The following PCTP variants were observed in gnomAD, a reference collection of about 807,000 sequenced individuals.
PCTP encodes the protein START domain-containing protein 2.
A neutral mutation model predicts 31.0 loss-of-function variants in PCTP; 27 were observed. The observed-to-expected ratio is 0.87, with a 90% confidence interval of 0.64 to 1.20. PCTP has a LOEUF of 1.20. Among genes scored for constraint, PCTP ranks in the 50% most tolerant of loss-of-function variants. The probability of loss-of-function intolerance (pLI) is 0.00; values close to 1 mark genes in which losing one functional copy is unlikely to be tolerated. For missense variants in PCTP, 287 were observed against 268.2 expected, an observed-to-expected ratio of 1.07 and a Z score of -0.49; for synonymous variants, 108 against 101.2, an observed-to-expected ratio of 1.07 and a Z score of -0.40.
chr17:55,771,227 G>A (rs747507630), intron 3 of PCTP, 42 bp downstream of exon 3: 3 of 1,477,098 alleles, frequency 2.0e-6, no homozygotes, highest in African/African-American at 2.8e-5. Context: ...CCCTCTAAGT[G>A]TTTCTGTGTT....
chr17:55,842,282 C>T (rs2145095531), intron 5 of PCTP, among the ~76,000 whole-genome samples: 1 of 152,300 alleles, frequency 6.6e-6, no homozygotes. Context: ...AGTGAAGGTA[C>T]ACTTGAATAA....
chr17:55,834,894 C>G (rs1905726945), intron 5 of PCTP, among the ~76,000 whole-genome samples: 1 of 152,088 alleles, frequency 6.6e-6, no homozygotes, highest in Non-Finnish European at 1.5e-5. Context: ...TGAAGTCCAG[C>G]CCCAGGTACC....
intron 3 of PCTP, among the ~76,000 whole-genome samples, chr17:55,788,138 T>C (rs759578055): frequency 2.5e-4 from 38 of 152,346 alleles, no homozygotes; most frequent in Admixed American, 5.9e-4. Flanking sequence ...AGCAACAGGT[T>C]CCTTATTCTG....
intron 5 of PCTP, among the ~76,000 whole-genome samples, chr17:55,835,771 G>A (rs879575963): frequency 3.9e-5 from 6 of 152,164 alleles, no homozygotes; most frequent in Non-Finnish European, 8.8e-5. Context: ...CCAGGCTGAG[G>A]TCTGACCAGC....
At chr17:55,751,301 C>G (rs1232216493) in intron 1 of PCTP, 57 bp downstream of exon 1, 12 of 1,517,964 alleles carry the variant, frequency 7.9e-6, no homozygotes, top group Non-Finnish European at 9.7e-6. Flanking sequence ...GGTCGACCTC[C>G]CCGCAGGGAG....
exon 4 of PCTP, chr17:55,822,860 G>A: frequency 8.3e-7 from 1 of 1,211,194 alleles, no homozygotes; most frequent in African/African-American, 1.6e-5. Flanking sequence ...GAAGGAAGAG[G>A]AAGGACATAA....
chr17:55,771,312 G>A (rs1910995884), intron 3 of PCTP, 127 bp downstream of exon 3: 9 of 737,132 alleles, frequency 1.2e-5, no homozygotes, highest in Non-Finnish European at 2.1e-5. Context: ...TCTGATTCTT[G>A]CAGCAGCATT....
intron 3 of PCTP, among the ~76,000 whole-genome samples, chr17:55,788,914 T>C (rs1197318328): frequency 6.6e-6 from 1 of 152,160 alleles, no homozygotes. Context: ...CACCTTTTTC[T>C]CCCAGGGTTC....
downstream of PCTP, among the ~76,000 whole-genome samples, chr17:55,843,904 G>A (rs1049685214): frequency 6.6e-6 from 1 of 152,090 alleles, no homozygotes; most frequent in Non-Finnish European, 1.5e-5. Context: ...GAACTTTCTG[G>A]CAATCATTAC....
chr17:55,776,181 G>A lies in PCTP; in HGVS notation c.*81G>A. 2 of 1,570,980 alleles carry A rather than the reference G, an allele frequency of 1.3e-6. No individual in the cohort carries two copies. The highest frequency in any genetic ancestry group is 1.7e-6 in the Non-Finnish European group (2 of 1,158,750). On this transcript the variant is annotated 3_prime_UTR_variant, in exon 6 of 6. Transcript: ENST00000268896. ...CCCAATGTCTCTGGAAGTGCCACCT[G>A]GAAGTGCCACCTGGAAGTGTCTCTG...
chr17:55,849,483 G>A, the PCTP span, among the ~76,000 whole-genome samples: 1 of 151,996 alleles, frequency 6.6e-6, no homozygotes, highest in African/African-American at 2.4e-5. Context: ...AATGGCTGGG[G>A]GTGGTGGCGG....
chr17:55,831,666 C>G (rs1905599394), intron 5 of PCTP, among the ~76,000 whole-genome samples: 2 of 152,322 alleles, frequency 1.3e-5, no homozygotes. Flanking sequence ...CACTCAATAT[C>G]TGTTCCAACG....
At chr17:55,804,761 T>C (rs1280297461) in intron 3 of PCTP, among the ~76,000 whole-genome samples, 1 of 152,150 alleles carries the variant, frequency 6.6e-6, no homozygotes, top group East Asian at 1.9e-4. Flanking sequence ...ATAGTTAATG[T>C]AGATGACGGG....
chr17:55,801,062 AC>A (rs1357166412), intron 3 of PCTP, among the ~76,000 whole-genome samples: 22 of 151,862 alleles, frequency 1.4e-4, no homozygotes, highest in Non-Finnish European at 2.6e-4. Flanking sequence ...GTGTCTGTTG[AC>A]CCCTGCTGGG....
At chr17:55,820,439 G>T (rs941715538) in intron 3 of PCTP, among the ~76,000 whole-genome samples, 10 of 152,290 alleles carry the variant, frequency 6.6e-5, no homozygotes, top group African/African-American at 1.9e-4. Flanking sequence ...ATAGTGCCTT[G>T]TTATTAGGTC....
At chr17:55,808,950 T>C (rs1912662800) in intron 3 of PCTP, among the ~76,000 whole-genome samples, 1 of 152,196 alleles carries the variant, frequency 6.6e-6, no homozygotes, top group South Asian at 2.1e-4. Flanking sequence ...CTAAAGTATT[T>C]CTCCTCAATA....
intron 3 of PCTP, among the ~76,000 whole-genome samples, chr17:55,814,752 A>G (rs1341803599): frequency 6.6e-6 from 1 of 152,214 alleles, no homozygotes. Flanking sequence ...TGGGGCTCAC[A>G]GGGGCAAGAC....
downstream of PCTP, among the ~76,000 whole-genome samples, chr17:55,825,602 C>CA: frequency 6.6e-6 from 1 of 152,224 alleles, no homozygotes; most frequent in East Asian, 1.9e-4. Context: ...AAAGGTCCCA[C>CA]AACTGTGAGA....
chr17:55,766,783 G>A (rs1170029082), intron 1 of PCTP, among the ~76,000 whole-genome samples: 1 of 151,980 alleles, frequency 6.6e-6, no homozygotes, highest in African/African-American at 2.4e-5. Context: ...ACCCAGTAAT[G>A]GGATGGCTGG....
Sources: allele counts gnomAD v4.1 joint callset (sites outside exome capture counted in the v4.1 genomes callset), GRCh38; gene constraint gnomAD v4.1.1; transcripts MANE v1.5; gene names NCBI Gene and HGNC (gene_info 2026-07-23, HGNC 2026-07-21).